The following KDM4A variants were observed in gnomAD, a reference collection of about 807,000 sequenced individuals.
KDM4A encodes the protein lysine-specific demethylase 4A.
KDM4A carries 23 observed loss-of-function variants against 127.1 expected under a neutral mutation model. That is an observed-to-expected ratio of 0.18 (90% CI 0.13 to 0.26). The LOEUF (loss-of-function observed/expected upper bound fraction) is 0.26, where lower values mean the gene tolerates loss of function less well. Ranked by LOEUF, KDM4A falls within the 10% of genes least tolerant of loss-of-function variation. The pLI is 1.00. For missense variants in KDM4A, 890 were observed against 1,329.1 expected (o/e 0.67, Z 5.14); for synonymous variants, 443 against 466.5 (o/e 0.95, Z 0.65).
chr1:43,674,148 G>A (rs1660687980), intron 11 of KDM4A, among the ~76,000 whole-genome samples: 1 of 152,116 alleles, frequency 6.6e-6, no homozygotes, highest in Non-Finnish European at 1.5e-5. Flanking sequence ...TCAACATGTT[G>A]CCCAGACTGG....
At chr1:43,675,169 T>A (rs1255174128) in intron 11 of KDM4A, among the ~76,000 whole-genome samples, 1 of 152,204 alleles carries the variant, frequency 6.6e-6, no homozygotes, top group Non-Finnish European at 1.5e-5. Flanking sequence ...CAACCATCCC[T>A]CCACCTCCAA....
intron 5 of KDM4A, 50 bp downstream of exon 5, chr1:43,663,137 T>C: frequency 6.6e-7 from 1 of 1,520,686 alleles, no homozygotes; most frequent in South Asian, 1.2e-5. Flanking sequence ...GAGCACGGGC[T>C]CATGTTCATT....
At chr1:43,665,819 G>A (rs1019691337) in intron 6 of KDM4A, 74 bp downstream of exon 6, 69 of 1,461,966 alleles carry the variant, frequency 4.7e-5, no homozygotes, top group Admixed American at 6.7e-5. Context: ...TAAAATGTGC[G>A]TTCCCCATGG....
At position 43,655,710 on chromosome 1, in the gene KDM4A, C is replaced by T. The variant is rs1345623648; in HGVS notation, c.258C>T (p.Asn86=). 6.2e-7 allele frequency: 1 copy of T among 1,613,810 alleles called. No individual in the cohort carries two copies. The change falls in exon 3 of 22, where the codon AAC becomes AAT. Residue 86 remains asparagine, a synonymous_variant. Transcript: ENST00000372396. ...AGTCTGGCCTCTTTACTCAGTACAA[C>T]ATACAGAAGAAAGCCATGACTGTTC... is the stretch of plus-strand genomic sequence containing the variant. The part of the protein sequence containing the change: ...TGQSGLFTQY[N]IQKKAMTVRE...
chr1:43,663,211 T>C, intron 5 of KDM4A, 124 bp downstream of exon 5: 1 of 800,872 alleles, frequency 1.2e-6, no homozygotes, highest in South Asian at 1.8e-5. Context: ...TGGGGTGACA[T>C]TCCATGTTTT....
chr1:43,683,830 G>T, intron 12 of KDM4A, 26 bp downstream of exon 12: 2 of 1,612,634 alleles, frequency 1.2e-6, no homozygotes, highest in Non-Finnish European at 1.7e-6. Flanking sequence ...TCTTCACCAG[G>T]AGGAAAGCAG....
At chr1:43,660,787 G>C (rs1261686268) in intron 4 of KDM4A, among the ~76,000 whole-genome samples, 1 of 144,638 alleles carries the variant, frequency 6.9e-6, no homozygotes, top group South Asian at 2.3e-4. Flanking sequence ...CATTTAAGAA[G>C]AGAAATACAT....
At chr1:43,689,152 A>G in intron 13 of KDM4A, 57 bp downstream of exon 13, 3 of 1,563,290 alleles carry the variant, frequency 1.9e-6, no homozygotes, top group Non-Finnish European at 2.6e-6. Context: ...GGGAAGCTAG[A>G]TTTAATTGTG....
chr1:43,677,922 A>G (rs1056422518), intron 11 of KDM4A, among the ~76,000 whole-genome samples: 2 of 152,168 alleles, frequency 1.3e-5, no homozygotes, highest in Non-Finnish European at 2.9e-5. Context: ...TTAGTCTGAG[A>G]GAGAGGTAGT....
chr1:43,653,348 C>A lies in KDM4A; in HGVS notation c.138+35C>A, dbSNP rs773433469. ...TGGGATTGTTCAAATGGTTTTGTTA[C>A]CTAGGGCAGAGCAGTAAGATTTTTT... On this transcript the variant is annotated intron_variant, in intron 2 of 21. Coordinates refer to ENST00000372396, the MANE Select transcript of KDM4A (RefSeq NM_014663.3). The A allele has an allele frequency of 1.3e-6, 2 of 1,578,868 alleles. 1 individual carries two copies. Among genetic ancestry groups the A allele is most frequent in the Admixed American group, 3.7e-5 (2 of 54,280 alleles).
intron 19 of KDM4A, among the ~76,000 whole-genome samples, chr1:43,698,935 C>T (rs1193733637): frequency 3.9e-5 from 6 of 152,054 alleles, no homozygotes; most frequent in African/African-American, 1.2e-4. Flanking sequence ...ACTACAGGAA[C>T]GCACCACCAC....
chr1:43,658,670 A>AT (rs1313692075), intron 3 of KDM4A, among the ~76,000 whole-genome samples: 2 of 150,298 alleles, frequency 1.3e-5, no homozygotes, highest in African/African-American at 4.9e-5. Context: ...CACCCGGCTA[A>AT]TTTTTTGTAT....
chr1:43,692,193 G>A, intron 15 of KDM4A, 63 bp from the exon 16 acceptor site: 1 of 1,428,332 alleles, frequency 7.0e-7, no homozygotes, highest in Non-Finnish European at 9.9e-7. Flanking sequence ...GTCCAGGGGA[G>A]AGCAGATTGA....
intron 7 of KDM4A, 125 bp downstream of exon 7, chr1:43,666,680 C>T: frequency 1.2e-6 from 1 of 800,078 alleles, no homozygotes; most frequent in South Asian, 1.7e-5. Context: ...TGTAACAACA[C>T]TTTGATCTAA....
At chr1:43,684,473 A>G (rs972719714) in intron 12 of KDM4A, among the ~76,000 whole-genome samples, 24 of 152,294 alleles carry the variant, frequency 1.6e-4, no homozygotes, top group African/African-American at 5.8e-4. Flanking sequence ...ACTGCACTCC[A>G]GCCTGGGCGA....
intron 18 of KDM4A, among the ~76,000 whole-genome samples, chr1:43,697,088 T>A (rs974157311): frequency 2.6e-5 from 4 of 151,996 alleles, no homozygotes; most frequent in Non-Finnish European, 5.9e-5. Flanking sequence ...GGGATGGGAG[T>A]CAGTGTGCAA....
chr1:43,697,725 AC>A, intron 18 of KDM4A, 117 bp from the exon 19 acceptor site: 1 of 980,934 alleles, frequency 1.0e-6, no homozygotes, highest in South Asian at 1.7e-5. Context: ...TCTCCTTTTT[AC>A]TTTTACTTTC....
At chr1:43,680,766 C>A (rs572121782) in intron 11 of KDM4A, among the ~76,000 whole-genome samples, 1 of 152,380 alleles carries the variant, frequency 6.6e-6, no homozygotes, top group South Asian at 2.1e-4. Context: ...CTGCTTCCTT[C>A]TTCTGTTGTA....
intron 12 of KDM4A, among the ~76,000 whole-genome samples, chr1:43,685,384 T>C (rs1397629115): frequency 6.6e-6 from 1 of 151,886 alleles, no homozygotes; most frequent in Non-Finnish European, 1.5e-5. Flanking sequence ...CATGTTACTC[T>C]TGACTAACAT....
Sources: allele counts gnomAD v4.1 joint callset (sites outside exome capture counted in the v4.1 genomes callset), GRCh38; gene constraint gnomAD v4.1.1; transcripts MANE v1.5; gene names NCBI Gene and HGNC (gene_info 2026-07-23, HGNC 2026-07-21).